KLHL13: variants seen among roughly 807,000 people sequenced by gnomAD.
KLHL13 encodes the protein kelch-like protein 13.
In KLHL13, 10 loss-of-function variants were observed where a neutral mutation model predicts 37.1. The observed-to-expected ratio is 0.27, with a 90% CI of 0.17 to 0.46. KLHL13 has a LOEUF of 0.46. Ranked by LOEUF, KLHL13 falls within the 20% of genes least tolerant of loss-of-function variation. The pLI, the probability that KLHL13 is intolerant of heterozygous loss-of-function variation, is 1.00. For synonymous variants in KLHL13, 163 were observed against 181.2 expected (o/e 0.90, Z 0.81); for missense variants, 360 against 509.3 (o/e 0.71, Z 2.82).
intron 1 of KLHL13, among the ~76,000 whole-genome samples, chrX:117,969,348 C>A (rs1305188876): frequency 8.9e-6 from 1 of 111,912 alleles, no homozygotes; most frequent in African/African-American, 3.2e-5. Context: ...CTGAAGGAAC[C>A]ATTTGCTGTT....
rs773305866 is a variant in KLHL13, at chrX:117,910,102, A to G, written c.571-6T>C. 1 of 1,128,925 alleles carries G rather than the reference A, an allele frequency of 8.9e-7. No individual in the cohort carries two copies. The highest frequency in any genetic ancestry group is 1.8e-5 in the African/African-American group (1 of 54,480). The allele number at this position is 1,128,925 out of a possible 1,213,427, so 93.0% of individuals were successfully genotyped here. On this transcript the variant is annotated splice_region_variant and splice_polypyrimidine_tract_variant and intron_variant, in intron 4 of 6. Coordinates refer to ENST00000262820, the Ensembl canonical transcript of KLHL13. The stretch of plus-strand genomic sequence containing the variant: ...ACACAGTTGTCTAAAGTGACCTATT[A>G]AGCCAATTAAAAAAAATTAAAACAT...
chrX:118,082,305 A>G (rs1028831290), intron 1 of KLHL13, among the ~76,000 whole-genome samples: 2 of 109,428 alleles, frequency 1.8e-5, no homozygotes, highest in African/African-American at 6.9e-5. Flanking sequence ...CAATTCTAAC[A>G]GGGGTGAGAT....
intron 2 of KLHL13, among the ~76,000 whole-genome samples, chrX:117,930,314 C>CAGGA (rs1366989895): frequency 3.9e-4 from 40 of 102,404 alleles, no homozygotes; most frequent in African/African-American, 6.6e-4. Flanking sequence ...GGCAGGCAGG[C>CAGGA]AGGCAGGAAG....
At chrX:117,918,832 T>A (rs12390839) in intron 4 of KLHL13, among the ~76,000 whole-genome samples, 18,825 of 111,494 alleles carry the variant, frequency 0.17, 2,187 homozygotes, top group African/African-American at 0.42. Context: ...TCTAGCTCCC[T>A]TATTAAAAGA....
chrX:118,019,442 T>G (rs180941016), intron 1 of KLHL13, among the ~76,000 whole-genome samples: 2 of 110,361 alleles, frequency 1.8e-5, no homozygotes, highest in East Asian at 5.6e-4. Flanking sequence ...TTTTGTAGGT[T>G]GCCTGTTCAC....
chrX:117,992,490 A>G (rs1247771190), intron 1 of KLHL13, among the ~76,000 whole-genome samples: 1 of 111,487 alleles, frequency 9.0e-6, no homozygotes, highest in Non-Finnish European at 1.9e-5. Context: ...CACCCTGTTT[A>G]TAGGTTATGA....
intron 2 of KLHL13, among the ~76,000 whole-genome samples, chrX:117,939,180 A>G (rs1424825982): frequency 1.8e-5 from 2 of 110,538 alleles, no homozygotes; most frequent in African/African-American, 6.6e-5. Flanking sequence ...TATGAGTGAG[A>G]ACATCTGGTG....
intron 1 of KLHL13, among the ~76,000 whole-genome samples, chrX:117,957,246 T>C (rs2053218753): frequency 9.0e-6 from 1 of 111,703 alleles, no homozygotes; most frequent in African/African-American, 3.3e-5. Flanking sequence ...ACATACATAA[T>C]GGTCTTTATA....
chrX:117,964,634 C>A (rs749544552), intron 1 of KLHL13, among the ~76,000 whole-genome samples: 4 of 111,447 alleles, frequency 3.6e-5, no homozygotes, highest in African/African-American at 1.3e-4. Context: ...ATGTGCACAA[C>A]GTGCAGCTTT....
chrX:117,969,467 C>T (rs2053487588), intron 1 of KLHL13, among the ~76,000 whole-genome samples: 1 of 111,680 alleles, frequency 9.0e-6, no homozygotes, highest in African/African-American at 3.3e-5. Flanking sequence ...TTGCACCTGT[C>T]AGGGGCAGAG....
chrX:118,072,496 A>G (rs1404518961), intron 1 of KLHL13, among the ~76,000 whole-genome samples: 1 of 111,627 alleles, frequency 9.0e-6, no homozygotes, highest in Non-Finnish European at 1.9e-5. Context: ...TAATTCAACT[A>G]AAGAGCTTCT....
chrX:117,940,326 G>T (rs769213057), intron 2 of KLHL13, among the ~76,000 whole-genome samples: 7 of 111,780 alleles, frequency 6.3e-5, no homozygotes, highest in African/African-American at 2.3e-4. Flanking sequence ...CCAGTACCAT[G>T]CTGTTTTGGT....
chrX:118,093,260 G>T (rs1006098618), intron 1 of KLHL13, among the ~76,000 whole-genome samples: 1 of 111,742 alleles, frequency 8.9e-6, no homozygotes, highest in African/African-American at 3.2e-5. Flanking sequence ...TTCATAACCA[G>T]ATAATACTAG....
At chrX:118,094,177 A>G (rs1365436055) in intron 1 of KLHL13, among the ~76,000 whole-genome samples, 1 of 111,256 alleles carries the variant, frequency 9.0e-6, no homozygotes, top group East Asian at 2.8e-4. Flanking sequence ...AGAATAACCA[A>G]TGCAGAGAAG....
chrX:117,975,277 C>A (rs901882228), upstream of KLHL13, among the ~76,000 whole-genome samples: 1 of 111,268 alleles, frequency 9.0e-6, no homozygotes, highest in Non-Finnish European at 1.9e-5. Flanking sequence ...TTTTCAAAAC[C>A]CGAAGCATTT....
At chrX:117,988,220 G>C (rs1327047994) in intron 1 of KLHL13, among the ~76,000 whole-genome samples, 4 of 112,178 alleles carry the variant, frequency 3.6e-5, no homozygotes, top group Non-Finnish European at 7.5e-5. Context: ...TGCAAAGGCA[G>C]AAAGGGAGGA....
intron 1 of KLHL13, among the ~76,000 whole-genome samples, chrX:118,079,499 A>C (rs1191328120): frequency 9.0e-6 from 1 of 110,755 alleles, no homozygotes; most frequent in Non-Finnish European, 1.9e-5. Flanking sequence ...CACCAATAAC[A>C]CCCAGGCTGA....
At chrX:118,066,352 A>G (rs918090356) in intron 1 of KLHL13, among the ~76,000 whole-genome samples, 7 of 112,095 alleles carry the variant, frequency 6.2e-5, no homozygotes, top group Admixed American at 9.5e-5. Context: ...AAAGAGCTTA[A>G]ATGTCACTAA....
chrX:117,946,754 T>C (rs1397356817), intron 1 of KLHL13: 1 of 112,523 alleles, frequency 8.9e-6, no homozygotes, highest in Non-Finnish European at 1.9e-5. Context: ...AACTGAGCTA[T>C]CCAATATCAG....
Sources: gnomAD v4.1 joint callset for allele counts (sites outside exome capture counted in the v4.1 genomes callset) on GRCh38, gnomAD v4.1.1 for gene constraint, MANE v1.5 for transcripts, NCBI Gene and HGNC (gene_info 2026-07-23, HGNC 2026-07-21) for gene names.